POLA1: variants seen among roughly 807,000 people sequenced by gnomAD.
The protein encoded by POLA1 is DNA polymerase alpha 1, catalytic subunit.
Under a neutral mutation model 124.0 loss-of-function variants are expected in POLA1, and 15 were observed. That is an observed-to-expected ratio of 0.12 (90% CI 0.08 to 0.19). POLA1 has a LOEUF of 0.19. Ranked by LOEUF, POLA1 falls within the 10% of genes least tolerant of loss-of-function variation. The pLI is 1.00. For synonymous variants in POLA1, 408 were observed against 389.4 expected (o/e 1.05, Z -0.56); for missense variants, 886 against 1,103.4 (o/e 0.80, Z 2.79).
chrX:24,848,558 A>G (rs1234669976), intron 34 of POLA1, among the ~76,000 whole-genome samples: 2 of 112,066 alleles, frequency 1.8e-5, no homozygotes, highest in Admixed American at 9.5e-5. Context: ...AGACAAAATT[A>G]ATAACAACCC....
chrX:24,781,497 C>G (rs2045261254), intron 26 of POLA1, among the ~76,000 whole-genome samples: 1 of 111,424 alleles, frequency 9.0e-6, no homozygotes, highest in African/African-American at 3.3e-5. Flanking sequence ...TTCATTGTTG[C>G]CTTTATTGGA....
At chrX:24,876,693 T>A (rs2046941051) in intron 34 of POLA1, among the ~76,000 whole-genome samples, 1 of 98,110 alleles carries the variant, frequency 1.0e-5, no homozygotes, top group Non-Finnish European at 2.1e-5. Context: ...GGGGGGGGGA[T>A]AGTGGTAGTG....
In POLA1 at chrX:24,876,335, T is replaced by A. The variant is rs537715752; in HGVS notation, c.4048-11671T>A. Among the ~76,000 whole-genome samples the A allele has an allele frequency of 8.1e-4, 91 of 112,178 alleles. 1 individual carries two copies. In the South Asian group the frequency reaches 0.032, roughly 39 times the overall value. Reference sequence around the variant, plus strand: ...ATTTTCTCATCTTATGTTCTGGCATTTAAATTATGAAACTTCATCTCGGCA... The same window carrying A: ...ATTTTCTCATCTTATGTTCTGGCATATAAATTATGAAACTTCATCTCGGCA... On this transcript the variant is annotated intron_variant, in intron 34 of 36. Coordinates refer to ENST00000379068, the MANE Select transcript of POLA1 (RefSeq NM_001330360.2).
intron 4 of POLA1, among the ~76,000 whole-genome samples, chrX:24,706,652 A>G (rs1019125021): frequency 8.9e-6 from 1 of 112,412 alleles, no homozygotes; most frequent in Non-Finnish European, 1.9e-5. Context: ...AAATAATGTC[A>G]GAATCACTAA....
chrX:24,961,439 G>A (rs1336973231), intron 36 of POLA1, among the ~76,000 whole-genome samples: 2 of 111,619 alleles, frequency 1.8e-5, no homozygotes, highest in Non-Finnish European at 3.8e-5. Flanking sequence ...TGGAAATAGT[G>A]CCAAATATTA....
intron 3 of POLA1, among the ~76,000 whole-genome samples, chrX:24,703,643 G>A (rs1928605436): frequency 8.9e-6 from 1 of 111,872 alleles, no homozygotes; most frequent in African/African-American, 3.3e-5. Flanking sequence ...TGTCTGTGGG[G>A]CCAATGCACA....
intron 36 of POLA1, among the ~76,000 whole-genome samples, chrX:24,959,740 T>A (rs975426228): frequency 2.0e-4 from 22 of 111,949 alleles, no homozygotes; most frequent in Admixed American, 6.6e-4. Context: ...ATACACTGAT[T>A]ACATGCTGAA....
chrX:24,961,393 A>G (rs2048166279), intron 36 of POLA1, among the ~76,000 whole-genome samples: 1 of 111,448 alleles, frequency 9.0e-6, no homozygotes, highest in Non-Finnish European at 1.9e-5. Flanking sequence ...TTCCAGGGTT[A>G]TTTGTATTGT....
At chrX:24,857,758 A>C (rs1156854651) in intron 34 of POLA1, among the ~76,000 whole-genome samples, 2 of 111,796 alleles carry the variant, frequency 1.8e-5, no homozygotes, top group African/African-American at 3.2e-5. Flanking sequence ...GATTAGTTCA[A>C]ATATTCAGCC....
intron 36 of POLA1, among the ~76,000 whole-genome samples, chrX:24,951,184 C>T (rs2048034905): frequency 1.0e-5 from 1 of 99,060 alleles, no homozygotes; most frequent in Admixed American, 1.1e-4. Context: ...CCCACCCCCG[C>T]CCCCATTGCT....
intron 36 of POLA1, among the ~76,000 whole-genome samples, chrX:24,933,115 T>C (rs929845319): frequency 3.6e-5 from 4 of 111,694 alleles, no homozygotes; most frequent in African/African-American, 1.3e-4. Context: ...CCCCAGATAA[T>C]TCTGCCGTGC....
intron 32 of POLA1, among the ~76,000 whole-genome samples, chrX:24,830,428 G>A (rs1393639854): frequency 1.8e-5 from 2 of 111,988 alleles, no homozygotes; most frequent in African/African-American, 6.5e-5. Flanking sequence ...TGAATTGAAA[G>A]AGAATAATTT....
intron 10 of POLA1, among the ~76,000 whole-genome samples, chrX:24,721,291 T>C (rs868480081): frequency 1.8e-5 from 2 of 112,548 alleles, no homozygotes; most frequent in Middle Eastern, 4.6e-3. Flanking sequence ...AATAGCTCTT[T>C]AGTGGTAGAA....
At chrX:24,960,984 C>G (rs2048162240) in intron 36 of POLA1, among the ~76,000 whole-genome samples, 1 of 112,371 alleles carries the variant, frequency 8.9e-6, no homozygotes, top group Non-Finnish European at 1.9e-5. Flanking sequence ...CAATATATTG[C>G]TTTTATTTTT....
At chrX:24,716,240 G>T (rs1303948191) in intron 6 of POLA1, 122 bp from the exon 7 acceptor site, 8 of 414,525 alleles carry the variant, frequency 1.9e-5, no homozygotes, top group Non-Finnish European at 3.4e-5. Flanking sequence ...ATGGGAGGGG[G>T]GAGGGGGAAA....
intron 28 of POLA1, 27 bp downstream of exon 28, chrX:24,810,827 C>A: frequency 1.4e-6 from 1 of 738,686 alleles, no homozygotes; most frequent in Non-Finnish European, 2.1e-6. Flanking sequence ...AAATTATCTG[C>A]TTTACCTATT....
intron 18 of POLA1, among the ~76,000 whole-genome samples, chrX:24,736,194 A>G (rs1378626109): frequency 2.7e-5 from 3 of 111,689 alleles, no homozygotes; most frequent in African/African-American, 6.5e-5. Context: ...TAATTTGGGT[A>G]CATTAAAGTC....
chrX:24,937,849 G>A (rs1238816553), intron 36 of POLA1, among the ~76,000 whole-genome samples: 3 of 112,319 alleles, frequency 2.7e-5, no homozygotes, highest in East Asian at 5.6e-4. Context: ...GATTAGGGCC[G>A]TCCTTTTGGT....
At chrX:24,800,583 T>C (rs1355688194) in intron 26 of POLA1, among the ~76,000 whole-genome samples, 1 of 111,985 alleles carries the variant, frequency 8.9e-6, no homozygotes, top group African/African-American at 3.2e-5. Context: ...ACCCGAAGAA[T>C]GGCAGCAATA....
Sources: gnomAD v4.1 joint callset for allele counts (sites outside exome capture counted in the v4.1 genomes callset) on GRCh38, gnomAD v4.1.1 for gene constraint, MANE v1.5 for transcripts, NCBI Gene and HGNC (gene_info 2026-07-23, HGNC 2026-07-21) for gene names.